SYT1: variants seen among roughly 807,000 people sequenced by gnomAD.
SYT1 encodes synaptotagmin-1.
Under a neutral mutation model 44.8 loss-of-function variants are expected in SYT1, and 8 were observed. The observed-to-expected ratio is 0.18, with a 90% CI of 0.10 to 0.32. The LOEUF (loss-of-function observed/expected upper bound fraction) is 0.32, where lower values mean the gene tolerates loss of function less well. SYT1 is among the 10% of genes least tolerant of loss of function. The probability of loss-of-function intolerance (pLI) is 1.00; values close to 1 mark genes in which losing one functional copy is unlikely to be tolerated. For missense variants in SYT1, 286 were observed against 509.3 expected, an observed-to-expected ratio of 0.56 and a Z score of 4.22; for synonymous variants, 154 against 188.8, an observed-to-expected ratio of 0.82 and a Z score of 1.51.
intron 3 of SYT1, among the ~76,000 whole-genome samples, chr12:79,077,001 CTG>C (rs1193278941): frequency 6.6e-6 from 1 of 152,172 alleles, no homozygotes; most frequent in African/African-American, 2.4e-5. Flanking sequence ...GCTGGATCTA[CTG>C]TGTCAATTAC....
chr12:79,291,035 T>C (rs1185184748), intron 5 of SYT1, among the ~76,000 whole-genome samples: 1 of 152,220 alleles, frequency 6.6e-6, no homozygotes. Flanking sequence ...AAACTTCATG[T>C]ACTTATAACC....
intron 4 of SYT1, among the ~76,000 whole-genome samples, chr12:79,256,164 C>T (rs1424005819): frequency 6.6e-6 from 1 of 152,180 alleles, no homozygotes; most frequent in Non-Finnish European, 1.5e-5. Context: ...AGATGACTGC[C>T]ATGACTATCT....
At chr12:79,354,124 A>G (rs189613603) in intron 9 of SYT1, among the ~76,000 whole-genome samples, 1 of 152,308 alleles carries the variant, frequency 6.6e-6, no homozygotes, top group Admixed American at 6.5e-5. Flanking sequence ...ATGGTAATGC[A>G]TTTAATTCCA....
intron 8 of SYT1, among the ~76,000 whole-genome samples, chr12:79,339,090 C>A (rs1825866221): frequency 6.6e-6 from 1 of 152,126 alleles, no homozygotes; most frequent in Admixed American, 6.5e-5. Flanking sequence ...TGGGTTGGTT[C>A]CAAGTCTTTG....
At chr12:79,146,000 G>C (rs894749626) in intron 3 of SYT1, among the ~76,000 whole-genome samples, 1 of 151,894 alleles carries the variant, frequency 6.6e-6, no homozygotes, top group Non-Finnish European at 1.5e-5. Context: ...CTCGTGATCC[G>C]CCCGCCTCGG....
chr12:79,161,080 A>C (rs1474336527), intron 3 of SYT1, among the ~76,000 whole-genome samples: 1 of 152,014 alleles, frequency 6.6e-6, no homozygotes, highest in Admixed American at 6.6e-5. Flanking sequence ...TTTTTAAAAA[A>C]CACAAAAAAT....
intron 9 of SYT1, among the ~76,000 whole-genome samples, chr12:79,388,019 G>A (rs1314863332): frequency 6.6e-6 from 1 of 152,022 alleles, no homozygotes; most frequent in East Asian, 1.9e-4. Flanking sequence ...TATTTTTTAG[G>A]TTATATATTT....
intron 1 of SYT1, among the ~76,000 whole-genome samples, chr12:78,877,230 A>T (rs1040167351): frequency 2.6e-5 from 4 of 151,438 alleles, no homozygotes; most frequent in African/African-American, 7.2e-5. Flanking sequence ...AGGAACAGCA[A>T]AGGGATGTCC....
intron 2 of SYT1, among the ~76,000 whole-genome samples, chr12:79,006,102 T>G (rs1592654141): frequency 6.6e-6 from 1 of 152,234 alleles, no homozygotes; most frequent in African/African-American, 2.4e-5. Flanking sequence ...TCATTCAAGG[T>G]TTTCTTCTAG....
chr12:79,013,878 A>G (rs1177580984), intron 2 of SYT1, among the ~76,000 whole-genome samples: 1 of 152,154 alleles, frequency 6.6e-6, no homozygotes, highest in Non-Finnish European at 1.5e-5. Context: ...CTGTAATCCC[A>G]GCACTTTAGG....
chr12:79,385,239 G>A (rs1009506452), intron 9 of SYT1, among the ~76,000 whole-genome samples: 18 of 152,060 alleles, frequency 1.2e-4, no homozygotes, highest in South Asian at 6.2e-4. Context: ...TGCCAGCCTC[G>A]GCCTCCCAAA....
chr12:78,950,149 A>T (rs1221625620), intron 1 of SYT1, among the ~76,000 whole-genome samples: 1 of 152,046 alleles, frequency 6.6e-6, no homozygotes, highest in Non-Finnish European at 1.5e-5. Flanking sequence ...GTGCATGAAT[A>T]TGTATTTTTG....
intron 3 of SYT1, among the ~76,000 whole-genome samples, chr12:79,080,642 A>G (rs532935623): frequency 2.7e-4 from 41 of 152,194 alleles, no homozygotes; most frequent in Non-Finnish European, 1.6e-4. Flanking sequence ...ATCACAAGCA[A>G]AAATTGATGA....
rs1009597720 is a variant in SYT1, at chr12:79,387,880, A to G, written c.928+34261A>G. On this transcript the variant is annotated intron_variant, in intron 9 of 10. Coordinates refer to ENST00000261205, the MANE Select transcript of SYT1 (RefSeq NM_005639.3). The stretch of plus-strand genomic sequence containing the variant: ...AAACTTCTATAATATCTAATTATGT[A>G]TAGATCCAGACTGTTTATGTTTGGC... Among the ~76,000 whole-genome samples the G allele has an allele frequency of 1.2e-4, 19 of 152,358 alleles. No individual in the cohort carries two copies. In the East Asian group the frequency reaches 2.5e-3, roughly 20 times the overall value.
chr12:79,312,469 C>T (rs2138942262), intron 8 of SYT1, among the ~76,000 whole-genome samples: 1 of 152,200 alleles, frequency 6.6e-6, no homozygotes, highest in Non-Finnish European at 1.5e-5. Flanking sequence ...TTTCTAGTCC[C>T]ACTCCCCCAC....
intron 4 of SYT1, among the ~76,000 whole-genome samples, chr12:79,239,228 A>G (rs767215755): frequency 1.3e-5 from 2 of 152,236 alleles, no homozygotes; most frequent in African/African-American, 2.4e-5. Flanking sequence ...CCTCTGCAGA[A>G]CTAATAGCCC....
At chr12:79,198,330 C>T (rs1307928221) in intron 3 of SYT1, among the ~76,000 whole-genome samples, 2 of 152,092 alleles carry the variant, frequency 1.3e-5, no homozygotes, top group Non-Finnish European at 2.9e-5. Flanking sequence ...CCCATAACAA[C>T]CACAGTGAAC....
chr12:78,923,922 T>C (rs1382803735), intron 1 of SYT1, among the ~76,000 whole-genome samples: 1 of 151,982 alleles, frequency 6.6e-6, no homozygotes, highest in African/African-American at 2.4e-5. Context: ...TAATGTCTTT[T>C]ATAGCTAAAG....
intron 4 of SYT1, among the ~76,000 whole-genome samples, chr12:79,251,982 T>TGATAGATAGATAGATAGATA (rs10527014): frequency 0.011 from 1,589 of 149,914 alleles, 15 homozygotes; most frequent in African/African-American, 0.018. Flanking sequence ...GATAGATGAT[T>TGATAGATAGATAGATAGATA]GATAGATAGA....
Sources: gnomAD v4.1 joint callset for allele counts (sites outside exome capture counted in the v4.1 genomes callset) on GRCh38, gnomAD v4.1.1 for gene constraint, MANE v1.5 for transcripts, NCBI Gene and HGNC (gene_info 2026-07-23, HGNC 2026-07-21) for gene names.